Variants in GPHN observed in about 807,000 individuals in gnomAD.
GPHN encodes the protein gephyrin.
In GPHN, 17 loss-of-function variants were observed where a neutral mutation model predicts 95.5. The observed-to-expected ratio is 0.18, with a 90% CI of 0.12 to 0.27. The LOEUF (loss-of-function observed/expected upper bound fraction) is 0.27. Ranked by LOEUF, GPHN falls within the 10% of genes least tolerant of loss-of-function variation. The probability of loss-of-function intolerance (pLI) is 1.00; values close to 1 mark genes in which losing one functional copy is unlikely to be tolerated. For missense variants in GPHN, 660 were observed against 978.1 expected (o/e 0.67, Z 4.34); for synonymous variants, 320 against 322.5 (o/e 0.99, Z 0.08).
chr14:67,565,519 G>A, the GPHN span, among the ~76,000 whole-genome samples: 3 of 152,074 alleles, frequency 2.0e-5, no homozygotes, highest in Non-Finnish European at 2.9e-5. Context: ...CACCTTACCC[G>A]GTCTGAGAGC....
chr14:67,659,598 A>C, the GPHN span: 6 of 896,512 alleles, frequency 6.7e-6, no homozygotes, highest in Non-Finnish European at 9.5e-6. Context: ...TGCAGAAAAG[A>C]GGATAAGGGT....
intron 2 of GPHN, among the ~76,000 whole-genome samples, chr14:66,716,147 G>GGTCT (rs1331995628): frequency 1.3e-5 from 2 of 152,158 alleles, no homozygotes; most frequent in East Asian, 3.9e-4. Context: ...TCATTTCTTA[G>GGTCT]GTCTATTAGT....
intron 8 of GPHN, among the ~76,000 whole-genome samples, chr14:66,939,890 GT>G (rs1376852030): frequency 6.6e-6 from 1 of 152,144 alleles, no homozygotes; most frequent in African/African-American, 2.4e-5. Flanking sequence ...CCGTTTGGAG[GT>G]TGATGGCCTG....
At chr14:67,139,390 A>G (rs902403805) in intron 17 of GPHN, among the ~76,000 whole-genome samples, 3 of 151,954 alleles carry the variant, frequency 2.0e-5, no homozygotes, top group Non-Finnish European at 2.9e-5. Flanking sequence ...GTGCCACCGC[A>G]CTTGGCCAGC....
In GPHN at chr14:67,118,121, T is replaced by G. The variant is rs530089260; in HGVS notation, c.1627-4135T>G. Among the ~76,000 whole-genome samples, 5 of 152,318 alleles carry G rather than the reference T, an allele frequency of 3.3e-5. No individual in the cohort carries two copies. In the East Asian group the frequency reaches 9.6e-4, roughly 29 times the overall value. ...CTTGTGAGTTCTTACCTGGGACCTC[T>G]ATAAACGATAGATTAACAAGAAAAA... is the stretch of plus-strand genomic sequence containing the variant. On this transcript the variant is annotated intron_variant, in intron 16 of 22. Transcript: ENST00000478722.
chr14:67,632,808 A>ATTTTT, the GPHN span, among the ~76,000 whole-genome samples: 50 of 62,414 alleles, frequency 8.0e-4, 5 homozygotes, highest in South Asian at 2.7e-3. Flanking sequence ...AAGCCTCTTA[A>ATTTTT]TTTTTTTTTT....
At chr14:66,583,986 A>G (rs565972793) in intron 1 of GPHN, among the ~76,000 whole-genome samples, 1 of 152,180 alleles carries the variant, frequency 6.6e-6, no homozygotes, top group South Asian at 2.1e-4. Context: ...CAGTATGGCC[A>G]TTTTCACGAT....
the GPHN span, among the ~76,000 whole-genome samples, chr14:67,507,159 C>T: frequency 5.0e-4 from 76 of 152,126 alleles, no homozygotes; most frequent in African/African-American, 1.3e-3. Context: ...GTTATACTCT[C>T]GCTAACACTG....
chr14:67,080,783 C>T (rs1324259524), intron 11 of GPHN, among the ~76,000 whole-genome samples: 1 of 152,102 alleles, frequency 6.6e-6, no homozygotes, highest in Non-Finnish European at 1.5e-5. Context: ...CCCAAGTCCC[C>T]AAAGTCCGCT....
At chr14:67,634,594 CAA>C in the GPHN span, among the ~76,000 whole-genome samples, 33 of 115,242 alleles carry the variant, frequency 2.9e-4, no homozygotes, top group Admixed American at 6.3e-4. Context: ...ACCGTGTCTC[CAA>C]AAAAAAAAAA....
intron 2 of GPHN, among the ~76,000 whole-genome samples, chr14:66,706,976 A>T (rs2069132913): frequency 3.3e-5 from 5 of 151,664 alleles, no homozygotes. Context: ...GAAACATACA[A>T]CCCCATCAAA....
chr14:67,259,324 G>C, the GPHN span, among the ~76,000 whole-genome samples: 228 of 152,022 alleles, frequency 1.5e-3, no homozygotes, highest in African/African-American at 5.2e-3. Flanking sequence ...AAGTGAGTAA[G>C]GCCAGGCTGG....
At chr14:67,728,052 T>A in the GPHN span, 1 of 152,194 alleles carries the variant, frequency 6.6e-6, no homozygotes, top group African/African-American at 2.4e-5. Flanking sequence ...CCTGACTTCA[T>A]CTTCTCAGCT....
chr14:66,554,246 A>G (rs1407056020), intron 1 of GPHN, among the ~76,000 whole-genome samples: 1 of 152,230 alleles, frequency 6.6e-6, no homozygotes, highest in Non-Finnish European at 1.5e-5. Flanking sequence ...GTTAGGTTCT[A>G]TAGAACAACA....
chr14:66,890,369 G>A (rs903009431), intron 5 of GPHN, among the ~76,000 whole-genome samples: 7 of 143,174 alleles, frequency 4.9e-5, no homozygotes, highest in South Asian at 4.3e-4. Flanking sequence ...CTGATCATGC[G>A]CACTGCGCTC....
intron 4 of GPHN, among the ~76,000 whole-genome samples, chr14:66,829,124 G>T (rs990182373): frequency 8.9e-6 from 1 of 112,392 alleles, no homozygotes; most frequent in African/African-American, 3.5e-5. Flanking sequence ...GTCTCACTCT[G>T]TAACCTAGGC....
At chr14:66,526,641 G>C (rs2058704188) in intron 1 of GPHN, among the ~76,000 whole-genome samples, 1 of 152,144 alleles carries the variant, frequency 6.6e-6, no homozygotes, top group East Asian at 1.9e-4. Flanking sequence ...TTATTATTTT[G>C]AGATACATTC....
the GPHN span, among the ~76,000 whole-genome samples, chr14:67,278,320 GC>G: frequency 2.0e-5 from 3 of 150,998 alleles, no homozygotes; most frequent in East Asian, 5.8e-4. Context: ...ACAGGCGTGA[GC>G]CACTGCACCC....
chr14:67,324,709 C>A, the GPHN span, among the ~76,000 whole-genome samples: 73 of 152,046 alleles, frequency 4.8e-4, no homozygotes, highest in Middle Eastern at 3.4e-3. Context: ...CCAGCCTGTC[C>A]AAGTGGCTGG....
Sources: allele counts gnomAD v4.1 joint callset (sites outside exome capture counted in the v4.1 genomes callset), GRCh38; gene constraint gnomAD v4.1.1; transcripts MANE v1.5; gene names NCBI Gene and HGNC (gene_info 2026-07-23, HGNC 2026-07-21).